Variants in PSME4 observed in about 807,000 individuals in gnomAD.
PSME4 encodes the protein proteasome activator subunit 4, also known as proteasome activator complex subunit 4.
In PSME4, 89 loss-of-function variants were observed where a neutral mutation model predicts 253.9. The observed-to-expected ratio is 0.35, with a 90% CI of 0.30 to 0.42. The LOEUF (loss-of-function observed/expected upper bound fraction) is 0.42, where lower values mean the gene tolerates loss of function less well. Ranked by LOEUF, PSME4 falls within the 10% of genes least tolerant of loss-of-function variation. The pLI is 1.00. For synonymous variants in PSME4, 851 were observed against 759.2 expected (o/e 1.12, Z -1.99); for missense variants, 2,014 against 2,195.2 (o/e 0.92, Z 1.65).
chr2:53,936,882 C>A (rs1028287985), intron 5 of PSME4, 55 bp from the exon 6 acceptor site: 1 of 1,204,782 alleles, frequency 8.3e-7, no homozygotes, highest in Non-Finnish European at 1.2e-6. Flanking sequence ...TGGTTCAATG[C>A]CAGCTATGCT....
chr2:53,887,958 G>A lies in PSME4; in HGVS notation c.4420C>T (p.Gln1474Ter). 1 of 1,612,414 alleles carries A rather than the reference G, an allele frequency of 6.2e-7. No homozygotes were observed. The highest frequency in any genetic ancestry group is 1.1e-5 in the South Asian group (1 of 90,866). Residue 1474 changes from glutamine (Q) to a stop codon, truncating the protein, a stop_gained, in exon 39 of 47, where the codon CAG (glutamine) becomes TAG (stop). Coordinates refer to ENST00000404125, the MANE Select transcript of PSME4 (RefSeq NM_014614.3). LOFTEE classifies it high-confidence loss of function. Reference protein sequence around the residue: ...RLYVLQGGLAQQEWRVPELLH... With the variant: ...RLYVLQGGLA ...AGTTCAGGCACTCTCCATTCTTGCT[G>A]GGCAAGGCCACCTTGTAGTACATAA... is the stretch of plus-strand genomic sequence containing the variant.
chr2:53,879,492 A>C (rs1235064311), intron 41 of PSME4, among the ~76,000 whole-genome samples: 1 of 152,200 alleles, frequency 6.6e-6, no homozygotes, highest in Non-Finnish European at 1.5e-5. Context: ...AGGGTAATAT[A>C]ATGCTTTGTG....
chr2:53,920,183 T>C lies in PSME4; in HGVS notation c.2420+10A>G, dbSNP rs778487556. 4 of 1,588,020 alleles carry C rather than the reference T, an allele frequency of 2.5e-6. No individual in the cohort carries two copies. The highest frequency in any genetic ancestry group is 3.6e-5 in the Admixed American group (2 of 55,258). On this transcript the variant is annotated intron_variant, in intron 19 of 46. Transcript: ENST00000404125. ...CAACTGAATAACTCTAATTATAAAA[T>C]AAAACCAACCTAGACATTTCAAGTT...
chr2:53,934,388 T>C (rs140544305), intron 8 of PSME4, among the ~76,000 whole-genome samples: 8 of 152,328 alleles, frequency 5.3e-5, no homozygotes, highest in African/African-American at 1.4e-4. Flanking sequence ...CCCTAGATTT[T>C]TGACTCTATT....
At chr2:53,892,565 T>A (rs958924569) in intron 36 of PSME4, among the ~76,000 whole-genome samples, 16 of 152,332 alleles carry the variant, frequency 1.1e-4, no homozygotes, top group Middle Eastern at 6.8e-3. Context: ...AATTCTTTTT[T>A]AATTTTTTTT....
intron 9 of PSME4, 99 bp from the exon 10 acceptor site, chr2:53,932,199 A>T: frequency 1.8e-6 from 2 of 1,132,266 alleles, no homozygotes; most frequent in East Asian, 2.4e-5. Context: ...TTTAAAAATA[A>T]CAGTTCTTAT....
rs200354216 is a variant in PSME4, at chr2:53,931,969, T to C, written c.1182A>G (p.Thr394=). ...GCTGAATAATGCATTGTACAAAGTC[T>C]GTAACATCTTGATCAGTAAGCTTGT... The part of the protein sequence containing the change: ...DSHKLTDQDV[T]DFVQCIIQPV... Residue 394 remains threonine, a synonymous_variant, in exon 10 of 47, where the codon ACA becomes ACG. Coordinates refer to ENST00000404125, the MANE Select transcript of PSME4 (RefSeq NM_014614.3). 3,925 of 1,614,162 alleles carry C rather than the reference T, an allele frequency of 2.4e-3. 117 individuals are homozygous for C. The South Asian group carries it at 0.04, about 16-fold the overall frequency.
rs372099576 is a variant in PSME4 at position 53,956,621 on chromosome 2, G to A, written c.243-7338C>T. Among the ~76,000 whole-genome samples the A allele has an allele frequency of 4.6e-5, 7 of 151,888 alleles. No homozygotes were observed. The East Asian group carries it at 7.8e-4, about 17-fold the overall frequency. Reference sequence around the variant, plus strand: ...GGAGTCTCTCTCTGTTGCCCAAGCTGGAGTGCAGTGGCCCAATCTCAGCTC... The same window carrying A: ...GGAGTCTCTCTCTGTTGCCCAAGCTAGAGTGCAGTGGCCCAATCTCAGCTC... On this transcript the variant is annotated intron_variant, in intron 1 of 46. Coordinates refer to ENST00000404125, the MANE Select transcript of PSME4 (RefSeq NM_014614.3).
chr2:53,940,636 T>C lies in PSME4; in HGVS notation c.501-636A>G, dbSNP rs77235788. 3.7e-3 allele frequency among the ~76,000 whole-genome samples: 569 copies of C among 151,862 alleles called. 19 individuals carry two copies. Among genetic ancestry groups the C allele is most frequent in the East Asian group, 0.029 (150 of 5,168 alleles). ...ATGAATTTATAATCCACATTTCTTT[T>C]TTAATAAAAAGGCCAATGTGTACTG... On this transcript the variant is annotated intron_variant, in intron 3 of 46. Coordinates refer to ENST00000404125, the MANE Select transcript of PSME4 (RefSeq NM_014614.3).
intron 5 of PSME4, 52 bp downstream of exon 5, chr2:53,937,339 T>A: frequency 7.0e-7 from 1 of 1,430,944 alleles, no homozygotes; most frequent in Non-Finnish European, 9.5e-7. Context: ...AGTTTCTTTA[T>A]CTGTATTTCC....
intron 41 of PSME4, among the ~76,000 whole-genome samples, chr2:53,881,270 C>T (rs529159741): frequency 6.9e-4 from 105 of 152,118 alleles, no homozygotes; most frequent in Non-Finnish European, 1.2e-3. Context: ...TCCAATGTAC[C>T]ACAATATCTG....
chr2:53,929,196 G>C (rs1242288505), intron 10 of PSME4, among the ~76,000 whole-genome samples: 1 of 151,798 alleles, frequency 6.6e-6, no homozygotes, highest in African/African-American at 2.4e-5. Context: ...TCAACTGATA[G>C]ATCCTGCATG....
intron 20 of PSME4, among the ~76,000 whole-genome samples, chr2:53,915,898 C>G (rs1003959324): frequency 6.6e-6 from 1 of 152,028 alleles, no homozygotes; most frequent in African/African-American, 2.4e-5. Flanking sequence ...TGGTGAAACC[C>G]TATCTCTACT....
intron 3 of PSME4, among the ~76,000 whole-genome samples, chr2:53,940,967 A>T (rs867317723): frequency 0.063 from 4,358 of 69,666 alleles, 531 homozygotes; most frequent in African/African-American, 0.1. Flanking sequence ...ATATATATAT[A>T]TATATATATA....
chr2:53,887,382 G>C lies in PSME4; in HGVS notation c.4606C>G (p.Arg1536Gly). ...ISPHVPEFTA[R>G]ILEKLKPLMD... is the part of the protein sequence containing the mutation. ...AGAGGTTTCAATTTCTCCAGAATTC[G>C]AGCAGTAAACTCAGGGACATGAGGC... The change falls in exon 40 of 47, where the codon CGA becomes GGA. Residue 1536 changes from arginine to glycine, a missense_variant. Coordinates refer to ENST00000404125, the MANE Select transcript of PSME4 (RefSeq NM_014614.3). The C allele has an allele frequency of 6.2e-7, 1 of 1,613,664 alleles. No homozygotes were observed. The highest frequency in any genetic ancestry group is 8.5e-7 in the Non-Finnish European group (1 of 1,179,710).
chr2:53,948,860 A>G (rs1195120019), intron 2 of PSME4, among the ~76,000 whole-genome samples: 1 of 152,246 alleles, frequency 6.6e-6, no homozygotes, highest in Non-Finnish European at 1.5e-5. Flanking sequence ...AGGGTAAGCA[A>G]AAGAATCCAT....
chr2:53,944,105 T>C (rs892840173), intron 3 of PSME4, among the ~76,000 whole-genome samples: 9 of 152,180 alleles, frequency 5.9e-5, no homozygotes, highest in Non-Finnish European at 1.3e-4. Context: ...AAGAACACTG[T>C]AGCACAGAAA....
At chr2:53,950,269 G>C (rs944563595) in intron 1 of PSME4, among the ~76,000 whole-genome samples, 5 of 148,460 alleles carry the variant, frequency 3.4e-5, no homozygotes, top group African/African-American at 1.2e-4. Context: ...AGGCGACAGA[G>C]TGAGATCTTG....
At chr2:53,953,511 AAAG>A (rs1240231828) in intron 1 of PSME4, among the ~76,000 whole-genome samples, 2 of 151,006 alleles carry the variant, frequency 1.3e-5, no homozygotes, top group Non-Finnish European at 3.0e-5. Flanking sequence ...AAAAAAAGAA[AAAG>A]AAGAACTATG....
Sources: gnomAD v4.1 joint callset for allele counts (sites outside exome capture counted in the v4.1 genomes callset) on GRCh38, gnomAD v4.1.1 for gene constraint, MANE v1.5 for transcripts, NCBI Gene and HGNC (gene_info 2026-07-23, HGNC 2026-07-21) for gene names.